Variants in MIDN observed in about 807,000 individuals in gnomAD.
MIDN encodes the protein midnolin.
In MIDN, 26 loss-of-function variants were observed where a neutral mutation model predicts 46.1. The observed-to-expected ratio is 0.56, with a 90% CI of 0.41 to 0.78. MIDN has a LOEUF of 0.78. MIDN is among the 30% of genes least tolerant of loss of function. The pLI is 0.00. For missense variants in MIDN, 850 were observed against 771.8 expected (o/e 1.10, Z -1.20); for synonymous variants, 432 against 343.3 (o/e 1.26, Z -2.86).
At chr19:1,253,433 A>T (rs867922268) in intron 4 of MIDN, among the ~76,000 whole-genome samples, 10 of 117,954 alleles carry the variant, frequency 8.5e-5, no homozygotes, top group East Asian at 2.7e-4. Flanking sequence ...CCCCCCCCCC[A>T]TCCCGGCCAC....
At chr19:1,252,798 G>C (rs1269896849) in intron 4 of MIDN, among the ~76,000 whole-genome samples, 1 of 152,176 alleles carries the variant, frequency 6.6e-6, no homozygotes, top group African/African-American at 2.4e-5. Flanking sequence ...CTACATCGCG[G>C]GGGCAGGGCG....
At chr19:1,255,197 C>A in intron 7 of MIDN, 136 bp downstream of exon 7, 1 of 1,193,982 alleles carries the variant, frequency 8.4e-7, no homozygotes, top group East Asian at 2.5e-5. Context: ...TCACATGTCC[C>A]CCAGGAATCC....
chr19:1,257,355 C>A lies in MIDN; in HGVS notation c.*83C>A. The A allele has an allele frequency of 8.1e-7, 1 of 1,236,664 alleles. No individual in the cohort carries two copies. Among genetic ancestry groups the A allele is most frequent in the Admixed American group, 2.1e-5 (1 of 46,668 alleles). 76.6% of individuals were successfully genotyped at this position (1,236,664 alleles called of 1,614,324 possible). ...CGAGAGCCCCGGAGAGAACGTGGCC[C>A]AGCCCTGGAGGGCAGGCGGCCACTC... On this transcript the variant is annotated 3_prime_UTR_variant, in exon 9 of 9. Transcript: ENST00000682408.
intron 7 of MIDN, 40 bp downstream of exon 7, chr19:1,255,101 G>A (rs758151897): frequency 7.6e-6 from 12 of 1,587,544 alleles, no homozygotes; most frequent in African/African-American, 1.3e-5. Context: ...CGTGTGTCCC[G>A]TGACCCTGTG....
At chr19:1,255,124 A>G (rs1227263593) in intron 7 of MIDN, 63 bp downstream of exon 7, 2 of 1,541,082 alleles carry the variant, frequency 1.3e-6, no homozygotes, top group Non-Finnish European at 1.8e-6. Context: ...TTTGGGGTCT[A>G]CATCCACCCA....
At chr19:1,256,148 G>T (rs911303167) in intron 8 of MIDN, among the ~76,000 whole-genome samples, 2 of 152,256 alleles carry the variant, frequency 1.3e-5, no homozygotes, top group African/African-American at 4.8e-5. Flanking sequence ...ACTGCCCTTG[G>T]GCTCTGCACC....
intron 6 of MIDN, 99 bp downstream of exon 6, chr19:1,254,577 G>T: frequency 7.7e-7 from 1 of 1,300,760 alleles, no homozygotes; most frequent in South Asian, 1.3e-5. Flanking sequence ...AGTCCCAGGT[G>T]AGTCCCTTGT....
rs554446879 is a variant in MIDN, at chr19:1,255,819, C to T, written c.1258+125C>T. The stretch of plus-strand genomic sequence containing the variant: ...AGGGGCTGGGGGGGATGGCAGCTGC[C>T]GTGGCCACTGCTCTGCTCCAGCCCG... On this transcript the variant is annotated intron_variant, in intron 8 of 8. Coordinates refer to ENST00000682408, the MANE Select transcript of MIDN (RefSeq NM_001388306.1). The T allele has an allele frequency of 1.3e-4, 116 of 888,676 alleles. 1 individual carries two copies. In the African/African-American group the frequency reaches 1.6e-3, roughly 12 times the overall value. The allele number at this position is 888,676 out of a possible 1,614,324, so 55.0% of individuals were successfully genotyped here. A position where few individuals can be genotyped will look rare whatever the true frequency, so the allele number is the denominator to read the frequency against.
At position 1,254,252 on chromosome 19, in the gene MIDN, C is replaced by G; in HGVS notation, c.599C>G (p.Ala200Gly). Residue 200 changes from alanine (A) to glycine (G), a missense_variant, in exon 6 of 9, where the codon GCG (alanine) becomes GGG (glycine). Physicochemically the swap from Ala to Gly is moderately conservative, Grantham distance 60 (BLOSUM62 0). Transcript: ENST00000682408. ...DHMMFVQLQL[A>G]AQHAPLQHRH... is the part of the protein sequence containing the mutation. ...ATGATGTTCGTGCAGCTGCAGCTCG[C>G]GGCCCAGCACGCTCCACTGCAACAC... is the stretch of plus-strand genomic sequence containing the variant. The G allele has an allele frequency of 1.3e-6, 2 of 1,589,314 alleles. No homozygotes were observed. Among genetic ancestry groups the G allele is most frequent in the East Asian group, 2.3e-5 (1 of 44,242 alleles).
Position 1,254,408 on chromosome 19 carries a change from C to T in MIDN, c.755C>T (p.Ser252Phe). Residue 252 changes from serine to phenylalanine, a missense_variant, in exon 6 of 9, where the codon TCC becomes TTC. Transcript: ENST00000682408. ...GTCCCCCCGGTGCCCACCAGCCCGT[C>T]CCCTGCATCTCCCTCGCCCATCACA... The part of the protein sequence containing the change: ...ARVPPVPTSP[S>F]PASPSPITAG... 2 of 1,565,590 alleles carry T rather than the reference C, an allele frequency of 1.3e-6. No individual in the cohort carries two copies. Among genetic ancestry groups the T allele is most frequent in the Non-Finnish European group, 1.7e-6 (2 of 1,162,710 alleles).
rs1466863592 is a variant in MIDN at position 1,249,869 on chromosome 19, TC to T, written c.-407-20del. On this transcript the variant is annotated intron_variant, in intron 1 of 8. Transcript: ENST00000682408. Reference sequence around the variant, plus strand: ...ACGTTGATACATTATAACTTTTTTTTCTTGTTACTTTCACCCCCAGATCCTC... The same window carrying T: ...ACGTTGATACATTATAACTTTTTTTTTTGTTACTTTCACCCCCAGATCCTC... 4.6e-5 allele frequency: 7 copies of T among 151,856 alleles called. No individual in the cohort carries two copies. The highest frequency in any genetic ancestry group is 4.6e-4 in the Admixed American group (7 of 15,264). The allele number at this position is 151,856 out of a possible 1,614,324, so 9.4% of individuals were successfully genotyped here. A position where few individuals can be genotyped will look rare whatever the true frequency, so the allele number is the denominator to read the frequency against.
chr19:1,255,165 A>T (rs1363847621), intron 7 of MIDN, 104 bp downstream of exon 7: 106 of 1,368,618 alleles, frequency 7.7e-5, no homozygotes, highest in Non-Finnish European at 5.0e-6. Context: ...GGGCATACAC[A>T]GGCTGTGTCC....
intron 8 of MIDN, among the ~76,000 whole-genome samples, chr19:1,255,946 C>T (rs531999612): frequency 1.3e-5 from 2 of 152,282 alleles, no homozygotes; most frequent in African/African-American, 4.8e-5. Flanking sequence ...GGGGCATCAT[C>T]TCCAGATGGC....
chr19:1,256,888 G>A, intron 8 of MIDN, 107 bp from the exon 9 acceptor site: 1 of 1,528,042 alleles, frequency 6.5e-7, no homozygotes, highest in Non-Finnish European at 8.8e-7. Context: ...CCTCCAGGGA[G>A]GGCAGGACTG....
chr19:1,255,158 C>A, intron 7 of MIDN, 97 bp downstream of exon 7: 3 of 1,387,076 alleles, frequency 2.2e-6, no homozygotes, highest in Non-Finnish European at 2.0e-6. Flanking sequence ...ATATTCTGGG[C>A]ATACACAGGC....
At chr19:1,255,093 T>A (rs543357556) in intron 7 of MIDN, 32 bp downstream of exon 7, 1 of 1,596,536 alleles carries the variant, frequency 6.3e-7, no homozygotes, top group Non-Finnish European at 8.6e-7. Context: ...TGAGCTCACG[T>A]GTGTCCCGTG....
At chr19:1,249,541 C>T (rs529400347) in intron 1 of MIDN, among the ~76,000 whole-genome samples, 1 of 149,716 alleles carries the variant, frequency 6.7e-6, no homozygotes, top group South Asian at 2.1e-4. Flanking sequence ...GGGTCCCGCG[C>T]CCCCCGGGGC....
Position 1,254,477 on chromosome 19 carries a change from A to T in MIDN, c.824A>T (p.Glu275Val). The T allele has an allele frequency of 3.9e-6, 6 of 1,551,474 alleles. No individual in the cohort carries two copies. Among genetic ancestry groups the T allele is most frequent in the Non-Finnish European group, 5.2e-6 (6 of 1,155,198 alleles). Residue 275 changes from glutamate to valine, a missense_variant and splice_region_variant, in exon 6 of 9, where the codon GAG becomes GTG. Physicochemically the swap from Glu to Val is moderately radical, Grantham distance 121. Coordinates refer to ENST00000682408, the MANE Select transcript of MIDN (RefSeq NM_001388306.1). ...CACGCAGCCTCCACCACCTGCCCGGAGGTGAGCCTGGGGAAGGGAAGGGTG... is the reference window on the plus strand; with the variant it reads ...CACGCAGCCTCCACCACCTGCCCGGTGGTGAGCCTGGGGAAGGGAAGGGTG... ...RSHAASTTCP[E>V]QMDCSPTASS...
At position 1,255,107 on chromosome 19, in the gene MIDN, C is replaced by T. The variant is rs1262720975; in HGVS notation, c.985+46C>T. 5.1e-6 allele frequency: 8 copies of T among 1,582,906 alleles called. No individual in the cohort carries two copies. The African/African-American group carries it at 5.4e-5, about 11-fold the overall frequency. The stretch of plus-strand genomic sequence containing the variant: ...GTGAGCTCACGTGTGTCCCGTGACC[C>T]TGTGCATTTGGGGTCTACATCCACC... On this transcript the variant is annotated intron_variant, in intron 7 of 8. Coordinates refer to ENST00000682408, the MANE Select transcript of MIDN (RefSeq NM_001388306.1).
Sources: gnomAD v4.1 joint callset for allele counts (sites outside exome capture counted in the v4.1 genomes callset) on GRCh38, gnomAD v4.1.1 for gene constraint, MANE v1.5 for transcripts, NCBI Gene and HGNC (gene_info 2026-07-23, HGNC 2026-07-21) for gene names.